ENPP3: variants seen among roughly 807,000 people sequenced by gnomAD.
ENPP3 encodes the protein ectonucleotide pyrophosphatase/phosphodiesterase 3.
A neutral mutation model predicts 117.8 loss-of-function variants in ENPP3; 104 were observed. The ratio of observed to expected loss-of-function variants is 0.88; its 90% CI spans 0.75 to 1.04. The LOEUF (loss-of-function observed/expected upper bound fraction) is 1.04. Among genes scored for constraint, ENPP3 ranks in the 50% least tolerant of loss-of-function variants. ENPP3 has a pLI of 0.00. For missense variants in ENPP3, 1,026 were observed against 1,051.9 expected, an observed-to-expected ratio of 0.98 and a Z score of 0.34; for synonymous variants, 380 against 349.9, an observed-to-expected ratio of 1.09 and a Z score of -0.96.
chr6:131,735,756 A>C (rs1405674746), intron 21 of ENPP3, among the ~76,000 whole-genome samples: 1 of 152,170 alleles, frequency 6.6e-6, no homozygotes. Context: ...TATATATTAC[A>C]GAATCTAAAA....
intron 14 of ENPP3, among the ~76,000 whole-genome samples, chr6:131,686,153 A>G (rs1226231335): frequency 6.6e-6 from 1 of 152,220 alleles, no homozygotes; most frequent in African/African-American, 2.4e-5. Flanking sequence ...CTTATATTGA[A>G]AGGGCTGATG....
chr6:131,675,102 A>G lies in ENPP3; in HGVS notation c.785A>G (p.Gln262Arg), dbSNP rs1242112882. ...CAGATGTGGCTGACAGCAATGTATC[A>G]AGGTTTAAAAGCCGCTACCTACTTT... Reference protein sequence around the residue: ...GQPMWLTAMYQGLKAATYFWP... With the variant: ...GQPMWLTAMYRGLKAATYFWP... The change falls in exon 9 of 25, where the codon CAA becomes CGA. Residue 262 changes from glutamine (Q) to arginine (R), a missense_variant. Physicochemically the swap from Gln to Arg is conservative, Grantham distance 43. Coordinates refer to ENST00000357639, the MANE Select transcript of ENPP3 (RefSeq NM_005021.5). 6.2e-7 allele frequency: 1 copy of G among 1,613,468 alleles called. No individual in the cohort carries two copies. The highest frequency in any genetic ancestry group is 8.5e-7 in the Non-Finnish European group (1 of 1,179,456).
At chr6:131,685,518 GA>G in intron 13 of ENPP3, 23 bp downstream of exon 13, 1 of 1,598,202 alleles carries the variant, frequency 6.3e-7, no homozygotes. Context: ...ACACCTATAT[GA>G]AAAAAAGGGT....
Position 131,677,873 on chromosome 6 carries a change from G to A in ENPP3, c.944G>A (p.Arg315Lys), listed in dbSNP as rs1778904331. 1 of 1,601,788 alleles carries A rather than the reference G, an allele frequency of 6.2e-7. No individual in the cohort carries two copies. Among genetic ancestry groups the A allele is most frequent in the African/African-American group, 1.3e-5 (1 of 74,618 alleles). ...WLDLPKAERP[R>K]FYTMYFEEPD... ...TGTTTCAATTTTACCCCTAGACCCA[G>A]GTTTTATACCATGTATTTTGAAGAA... Residue 315 changes from arginine (R) to lysine (K), a missense_variant, in exon 11 of 25, where the codon AGG (arginine) becomes AAG (lysine). Transcript: ENST00000357639.
chr6:131,683,749 GTTT>G (rs397940601), intron 12 of ENPP3, among the ~76,000 whole-genome samples: 3 of 126,570 alleles, frequency 2.4e-5, no homozygotes, highest in Non-Finnish European at 3.3e-5. Flanking sequence ...CACTCTACAG[GTTT>G]TTTTTTTTTT....
At chr6:131,643,428 CT>C (rs1201794213) in intron 2 of ENPP3, among the ~76,000 whole-genome samples, 5 of 152,242 alleles carry the variant, frequency 3.3e-5, no homozygotes, top group African/African-American at 1.2e-4. Flanking sequence ...GTCATTTTTC[CT>C]TGTCCTCGTC....
chr6:131,675,390 A>C (rs952448793), intron 9 of ENPP3: 5 of 535,500 alleles, frequency 9.3e-6, no homozygotes, highest in Non-Finnish European at 1.7e-5. Context: ...ATGTAGCCTG[A>C]GAACTTTTTA....
intron 20 of ENPP3, among the ~76,000 whole-genome samples, chr6:131,726,614 G>A (rs530455731): frequency 3.9e-5 from 6 of 152,158 alleles, no homozygotes; most frequent in Non-Finnish European, 7.3e-5. Flanking sequence ...TTTACTATTT[G>A]TTGTGTGTTA....
rs779467942 is a variant in ENPP3 at position 131,650,007 on chromosome 6, CT to C, written c.155-19del. On this transcript the variant is annotated intron_variant, in intron 2 of 24. Transcript: ENST00000357639. Reference sequence around the variant, plus strand: ...TGAATAGCTCCTAAATGTTCGGGCCCTATTTCCTTTACTTTGTAGGCAGCTG... The same window carrying C: ...TGAATAGCTCCTAAATGTTCGGGCCCATTTCCTTTACTTTGTAGGCAGCTG... 6.2e-7 allele frequency: 1 copy of C among 1,613,628 alleles called. No homozygotes were observed. The highest frequency in any genetic ancestry group is 8.5e-7 in the Non-Finnish European group (1 of 1,179,746).
At chr6:131,662,782 G>A (rs1015338809) in intron 6 of ENPP3, among the ~76,000 whole-genome samples, 9 of 152,044 alleles carry the variant, frequency 5.9e-5, no homozygotes, top group African/African-American at 2.2e-4. Context: ...TTGGGTAATA[G>A]GAACATTTTA....
At chr6:131,658,540 T>A in intron 6 of ENPP3, 120 bp downstream of exon 6, 1 of 600,594 alleles carries the variant, frequency 1.7e-6, no homozygotes, top group Admixed American at 3.2e-5. Flanking sequence ...CTAGATCCTC[T>A]CTGACTTTAC....
At chr6:131,669,655 CAAAAAAAAAAA>C (rs67597128) in intron 6 of ENPP3, among the ~76,000 whole-genome samples, 1 of 61,712 alleles carries the variant, frequency 1.6e-5, no homozygotes, top group Non-Finnish European at 2.8e-5. Context: ...GACTCCATCT[CAAAAAAAAAAA>C]AAAAAAAAAA....
At chr6:131,643,504 G>C (rs1041215122) in intron 2 of ENPP3, among the ~76,000 whole-genome samples, 2 of 152,030 alleles carry the variant, frequency 1.3e-5, no homozygotes, top group Non-Finnish European at 2.9e-5. Context: ...CAGGGCATTG[G>C]TAATTAACTC....
At chr6:131,668,818 T>C (rs1223539823) in intron 6 of ENPP3, among the ~76,000 whole-genome samples, 1 of 152,256 alleles carries the variant, frequency 6.6e-6, no homozygotes, top group Non-Finnish European at 1.5e-5. Flanking sequence ...ATTGCGTGTC[T>C]TTCCAGTAGT....
rs553815766 is a variant in ENPP3 at position 131,675,788 on chromosome 6, T to G, written c.872+599T>G. 9.7e-4 allele frequency among the ~76,000 whole-genome samples: 148 copies of G among 152,228 alleles called. No homozygotes were observed. The Middle Eastern group carries it at 0.01, about 10-fold the overall frequency. On this transcript the variant is annotated intron_variant, in intron 9 of 24. Coordinates refer to ENST00000357639, the MANE Select transcript of ENPP3 (RefSeq NM_005021.5). ...AGGTGGAGGTTGCAGTGAGCTGAGA[T>G]CAGGGGCTCCTGCAGTGTAGTCCAG...
At chr6:131,653,589 T>G (rs1395046689) in intron 5 of ENPP3, among the ~76,000 whole-genome samples, 1 of 152,218 alleles carries the variant, frequency 6.6e-6, no homozygotes, top group Non-Finnish European at 1.5e-5. Flanking sequence ...CCTGTCTTCT[T>G]TTTTTAAATA....
rs378697 is a variant in ENPP3 at position 131,722,209 on chromosome 6, A to T, written c.1568-18A>T. 0.95 allele frequency: 1,512,033 copies of T among 1,600,026 alleles called. 714,941 individuals carry two copies. Among genetic ancestry groups the T allele is most frequent in the East Asian group, 1 (44,783 of 44,790 alleles). On this transcript the variant is annotated intron_variant, in intron 17 of 24. Transcript: ENST00000357639. ...TTCCAGTGTAAAGCTACTTTGAACT[A>T]ATTTTTTCAAAAAACAGATCTTCTA...
rs751102053 is a variant in ENPP3 at position 131,693,479 on chromosome 6, T to C, written c.1285-18T>C. On this transcript the variant is annotated intron_variant, in intron 14 of 24. Transcript: ENST00000357639. Reference sequence around the variant, plus strand: ...GCATATCTTATGTATCATAAAGAAATATTTACTTGCTTTTCAGTGCCGAAA... The same window carrying C: ...GCATATCTTATGTATCATAAAGAAACATTTACTTGCTTTTCAGTGCCGAAA... 7 of 1,603,830 alleles carry C rather than the reference T, an allele frequency of 4.4e-6. No individual in the cohort carries two copies. In the Admixed American group the frequency reaches 1.2e-4, roughly 28 times the overall value.
chr6:131,638,899 T>C (rs73550998), intron 1 of ENPP3, among the ~76,000 whole-genome samples: 35,839 of 151,418 alleles, frequency 0.24, 4,932 homozygotes, highest in African/African-American at 0.36. Context: ...TGGGCTCAAG[T>C]GATCCTCTCA....
Sources: allele counts gnomAD v4.1 joint callset (sites outside exome capture counted in the v4.1 genomes callset), GRCh38; gene constraint gnomAD v4.1.1; transcripts MANE v1.5; gene names NCBI Gene and HGNC (gene_info 2026-07-23, HGNC 2026-07-21).